SRD5A3: variants seen among roughly 807,000 people sequenced by gnomAD.
SRD5A3 encodes steroid 5 alpha-reductase 3, also known as polyprenal reductase.
In SRD5A3, 24 loss-of-function variants were observed where a neutral mutation model predicts 34.3. The observed-to-expected ratio is 0.70, with a 90% CI of 0.51 to 0.99. SRD5A3 has a LOEUF of 0.99. Among genes scored for constraint, SRD5A3 ranks in the 50% least tolerant of loss-of-function variants. SRD5A3 has a pLI of 0.00. For synonymous variants in SRD5A3, 161 were observed against 167.3 expected, an observed-to-expected ratio of 0.96 and a Z score of 0.29; for missense variants, 350 against 388.2, an observed-to-expected ratio of 0.90 and a Z score of 0.83.
intron 3 of SRD5A3, chr4:55,365,579 T>G (rs2109482142): frequency 6.6e-6 from 1 of 152,352 alleles, no homozygotes; most frequent in South Asian, 2.1e-4. Context: ...ACTGCTAGCT[T>G]TTAGCGTGTT....
At chr4:55,358,022 G>A (rs1488972544) in intron 1 of SRD5A3, among the ~76,000 whole-genome samples, 1 of 152,180 alleles carries the variant, frequency 6.6e-6, no homozygotes, top group African/African-American at 2.4e-5. Flanking sequence ...ATCTGGAGGA[G>A]CCCCTGCGAT....
At chr4:55,365,239 A>G (rs1301797003) in intron 3 of SRD5A3, among the ~76,000 whole-genome samples, 1 of 152,186 alleles carries the variant, frequency 6.6e-6, no homozygotes, top group Non-Finnish European at 1.5e-5. Flanking sequence ...GCTGAGGTCT[A>G]GCGATTTCCA....
chr4:55,369,747 AT>A, intron 4 of SRD5A3, 84 bp from the exon 5 acceptor site: 1 of 1,525,114 alleles, frequency 6.6e-7, no homozygotes, highest in Non-Finnish European at 8.9e-7. Context: ...AAAAAAAAAA[AT>A]TCTGTAAATG....
chr4:55,351,790 G>A (rs960158672), intron 1 of SRD5A3: 6 of 476,466 alleles, frequency 1.3e-5, no homozygotes, highest in Non-Finnish European at 2.5e-5. Context: ...AAGAAAGGCA[G>A]AGGAACTGTG....
chr4:55,360,943 G>C (rs182486723), intron 2 of SRD5A3, among the ~76,000 whole-genome samples: 199 of 152,178 alleles, frequency 1.3e-3, no homozygotes, highest in African/African-American at 4.6e-3. Flanking sequence ...ACCCGCATTG[G>C]CCTCCCAAAG....
chr4:55,369,807 A>G (rs771049382), intron 4 of SRD5A3, 25 bp from the exon 5 acceptor site: 2 of 1,613,702 alleles, frequency 1.2e-6, no homozygotes, highest in East Asian at 2.2e-5. Context: ...TTAAATGCTT[A>G]TGAGATCTTC....
Position 55,359,380 on chromosome 4 carries a change from T to C in SRD5A3, c.256T>C (p.Trp86Arg), listed in dbSNP as rs1242426163. The C allele has an allele frequency of 6.8e-6, 11 of 1,614,058 alleles. No individual in the cohort carries two copies. The highest frequency in any genetic ancestry group is 1.7e-5 in the Admixed American group (1 of 59,996). ...CCACTTTTATATCATCTCAGTGCTGTGGAATGGCTTCCTGCTTTGGTGCCT... is the reference window on the plus strand; with the variant it reads ...CCACTTTTATATCATCTCAGTGCTGCGGAATGGCTTCCTGCTTTGGTGCCT... Reference protein sequence around the residue: ...FSHFYIISVLWNGFLLWCLTQ... With the variant: ...FSHFYIISVLRNGFLLWCLTQ... Residue 86 changes from tryptophan (W) to arginine (R), a missense_variant, in exon 2 of 5, where the codon TGG becomes CGG. Transcript: ENST00000264228.
Position 55,346,995 on chromosome 4 carries a change from G to A in SRD5A3, c.221+438G>A, listed in dbSNP as rs116269185. Among the ~76,000 whole-genome samples, 858 of 152,338 alleles carry A rather than the reference G, an allele frequency of 5.6e-3. 9 individuals carry two copies. Among genetic ancestry groups the A allele is most frequent in the African/African-American group, 0.018 (755 of 41,578 alleles). On this transcript the variant is annotated intron_variant, in intron 1 of 4. Coordinates refer to ENST00000264228, the MANE Select transcript of SRD5A3 (RefSeq NM_024592.5). ...TTGAGGTCACCGGGAATCATTTGTG[G>A]AAATGAAGTTAGGCCGGCTCTTCGG... is the stretch of plus-strand genomic sequence containing the variant.
intron 2 of SRD5A3, among the ~76,000 whole-genome samples, chr4:55,361,449 T>C (rs939474461): frequency 3.1e-4 from 44 of 139,916 alleles, no homozygotes; most frequent in Middle Eastern, 4.2e-3. Context: ...AACGTTGCAC[T>C]CTAGCCTAAG....
intron 2 of SRD5A3, among the ~76,000 whole-genome samples, chr4:55,362,995 A>T (rs1719742572): frequency 6.6e-6 from 1 of 150,534 alleles, no homozygotes; most frequent in Admixed American, 6.6e-5. Context: ...ACAGGCGCAC[A>T]CCACCATGCC....
chr4:55,346,880 T>C (rs1375842448), intron 1 of SRD5A3, among the ~76,000 whole-genome samples: 1 of 152,222 alleles, frequency 6.6e-6, no homozygotes, highest in Non-Finnish European at 1.5e-5. Context: ...TTAGGCCTGG[T>C]CATGCGAATT....
At chr4:55,354,844 G>A (rs1356925630) in intron 1 of SRD5A3, among the ~76,000 whole-genome samples, 1 of 152,262 alleles carries the variant, frequency 6.6e-6, no homozygotes, top group Non-Finnish European at 1.5e-5. Context: ...GCGTACGCAT[G>A]TGTAAGCTCC....
At chr4:55,354,503 C>T (rs542892952) in intron 1 of SRD5A3, among the ~76,000 whole-genome samples, 23 of 152,330 alleles carry the variant, frequency 1.5e-4, no homozygotes, top group Admixed American at 1.4e-3. Context: ...ATTCCCACTA[C>T]CTTACTGACT....
At chr4:55,364,443 G>A (rs570853315) in intron 3 of SRD5A3, 172 bp downstream of exon 3, 27 of 730,064 alleles carry the variant, frequency 3.7e-5, no homozygotes, top group South Asian at 1.3e-4. Context: ...GGGCGTGGTC[G>A]CTTACACCTG....
In SRD5A3 at chr4:55,372,844, C is replaced by T. The variant is rs763037684; in HGVS notation, c.*2753C>T. ...TTGTGAAGCTCATCCTATACACTAA[C>T]ATTTGCTTAACCATGGATTATTTTG... is the stretch of plus-strand genomic sequence containing the variant. On this transcript the variant is annotated 3_prime_UTR_variant, in exon 5 of 5. Coordinates refer to ENST00000264228, the MANE Select transcript of SRD5A3 (RefSeq NM_024592.5). 1 of 151,786 alleles carries T rather than the reference C, an allele frequency of 6.6e-6. No homozygotes were observed. The highest frequency in any genetic ancestry group is 1.5e-5 in the Non-Finnish European group (1 of 67,980). The allele number at this position is 151,786 out of a possible 1,614,324, so 9.4% of individuals were successfully genotyped here. A position where few individuals can be genotyped will look rare whatever the true frequency, so the allele number is the denominator to read the frequency against.
At chr4:55,366,562 A>G (rs2109483492) in intron 3 of SRD5A3, 1 of 152,392 alleles carries the variant, frequency 6.6e-6, no homozygotes, top group Non-Finnish European at 1.5e-5. Flanking sequence ...TTGATTATAT[A>G]AAACAAGCTT....
chr4:55,360,729 C>A (rs1280991725), intron 2 of SRD5A3, among the ~76,000 whole-genome samples: 5 of 145,148 alleles, frequency 3.4e-5, no homozygotes, highest in Non-Finnish European at 7.5e-5. Flanking sequence ...GCTCTTATTG[C>A]CCGGGCTGGA....
chr4:55,354,206 T>A (rs1476744490), intron 1 of SRD5A3, among the ~76,000 whole-genome samples: 1 of 152,114 alleles, frequency 6.6e-6, no homozygotes, highest in Non-Finnish European at 1.5e-5. Context: ...CAAGTGATTC[T>A]CGTGTCTCAG....
At position 55,370,436 on chromosome 4, in the gene SRD5A3, C is replaced by CACACACAA. The variant is rs1406409852; in HGVS notation, c.*352_*353insAACACACA. 1 of 145,954 alleles carries CACACACAA rather than the reference C, an allele frequency of 6.9e-6. No individual in the cohort carries two copies. The highest frequency in any genetic ancestry group is 4.7e-5 in the African/African-American group (1 of 21,198). 9.0% of individuals were successfully genotyped at this position (145,954 alleles called of 1,614,324 possible). ...CCGAAAATATACAAACAGCTTCACA[C>CACACACAA]ACACACACACACACACACACACACA... is the stretch of plus-strand genomic sequence containing the variant. On this transcript the variant is annotated 3_prime_UTR_variant, in exon 5 of 5. Transcript: ENST00000264228.
Sources: allele counts gnomAD v4.1 joint callset (sites outside exome capture counted in the v4.1 genomes callset), GRCh38; gene constraint gnomAD v4.1.1; transcripts MANE v1.5; gene names NCBI Gene and HGNC (gene_info 2026-07-23, HGNC 2026-07-21).